RGS7: variants seen among roughly 807,000 people sequenced by gnomAD.
RGS7 encodes regulator of G protein signaling 7.
A neutral mutation model predicts 81.1 loss-of-function variants in RGS7; 27 were observed. The ratio of observed to expected loss-of-function variants is 0.33; its 90% CI spans 0.25 to 0.46. The LOEUF (loss-of-function observed/expected upper bound fraction) is 0.46, where lower values mean the gene tolerates loss of function less well. Among genes scored for constraint, RGS7 ranks in the 20% least tolerant of loss-of-function variants. RGS7 has a pLI of 1.00. For synonymous variants in RGS7, 208 were observed against 207.7 expected, an observed-to-expected ratio of 1.00 and a Z score of -0.01; for missense variants, 396 against 607.4, an observed-to-expected ratio of 0.65 and a Z score of 3.66.
At chr1:241,319,253 C>G (rs534577312) in intron 2 of RGS7, among the ~76,000 whole-genome samples, 1 of 152,224 alleles carries the variant, frequency 6.6e-6, no homozygotes, top group South Asian at 2.1e-4. Context: ...GCCATTAAAT[C>G]ATGATTTATT....
In RGS7 at chr1:240,800,682, TAC is replaced by T; in HGVS notation, c.1451_1452del (p.Cys484TyrfsTer9). 6.5e-7 allele frequency: 1 copy of T among 1,548,204 alleles called. No individual in the cohort carries two copies. Among genetic ancestry groups the T allele is most frequent in the South Asian group, 1.2e-5 (1 of 83,892 alleles). ...NIPIFPCHKNCTPTLRASTNL... is the reference protein window; with the variant it reads ...NIPIFPCHKNXTPTLRASTNL... The stretch of plus-strand genomic sequence containing the variant: ...TTAGTGCTGGCCCTCAGTGTTGGTG[TAC>T]AGTTTTTATGGCATGGGAAAATAGG... On this transcript the variant is annotated frameshift_variant, in exon 18 of 19. Coordinates refer to ENST00000440928, the MANE Select transcript of RGS7 (RefSeq NM_001364886.1). LOFTEE classifies it high-confidence loss of function.
intron 4 of RGS7, among the ~76,000 whole-genome samples, chr1:240,949,391 C>T (rs970746410): frequency 6.6e-6 from 1 of 152,164 alleles, no homozygotes; most frequent in Non-Finnish European, 1.5e-5. Context: ...CACTCATCCA[C>T]CATCCATTCA....
chr1:240,965,717 A>G (rs1167820041), intron 4 of RGS7, among the ~76,000 whole-genome samples: 2 of 152,180 alleles, frequency 1.3e-5, no homozygotes, highest in African/African-American at 4.8e-5. Context: ...GTGTGATGAC[A>G]TGATTCCCAG....
intron 6 of RGS7, among the ~76,000 whole-genome samples, chr1:240,900,017 C>T (rs918687333): frequency 3.9e-5 from 6 of 152,066 alleles, no homozygotes; most frequent in African/African-American, 7.2e-5. Context: ...CTTCTCTTCT[C>T]GCTCCATTTC....
chr1:241,343,179 G>A lies in RGS7; in HGVS notation c.78+12520C>T, dbSNP rs564245151. ...CGGGAGGCTGAGGCAGGAGAATGGC[G>A]TGAACCCGGGAGGTGGAGCTTGCAG... On this transcript the variant is annotated intron_variant, in intron 2 of 18. Coordinates refer to ENST00000440928, the MANE Select transcript of RGS7 (RefSeq NM_001364886.1). 2.6e-5 allele frequency among the ~76,000 whole-genome samples: 4 copies of A among 151,516 alleles called. No homozygotes were observed. In the East Asian group the frequency reaches 5.9e-4, roughly 22 times the overall value.
At chr1:241,168,780 G>A (rs1409766148) in intron 2 of RGS7, among the ~76,000 whole-genome samples, 3 of 151,868 alleles carry the variant, frequency 2.0e-5, no homozygotes, top group Admixed American at 6.6e-5. Flanking sequence ...TAGAGAGAGC[G>A]AGAGAGAGAG....
chr1:241,074,202 C>T (rs2062662236), intron 3 of RGS7, among the ~76,000 whole-genome samples: 1 of 152,154 alleles, frequency 6.6e-6, no homozygotes, highest in South Asian at 2.1e-4. Flanking sequence ...CCTCCTGTCT[C>T]TTAGTTTGTT....
At chr1:241,202,003 CACACACAG>C (rs1184186815) in intron 2 of RGS7, among the ~76,000 whole-genome samples, 5 of 115,080 alleles carry the variant, frequency 4.3e-5, no homozygotes, top group Non-Finnish European at 9.0e-5. Context: ...AACACACAGA[CACACACAG>C]ACACACACAC....
intron 2 of RGS7, among the ~76,000 whole-genome samples, chr1:241,237,832 C>T (rs1293797597): frequency 6.6e-6 from 1 of 152,162 alleles, no homozygotes; most frequent in African/African-American, 2.4e-5. Flanking sequence ...GGAAAGCTGT[C>T]AGTGCAGCTT....
intron 2 of RGS7, among the ~76,000 whole-genome samples, chr1:241,303,817 G>A (rs1399610244): frequency 6.6e-6 from 1 of 152,102 alleles, no homozygotes; most frequent in Non-Finnish European, 1.5e-5. Flanking sequence ...CATTTAACAT[G>A]TTCCTCTGTT....
chr1:241,220,970 G>GAAGAAGC (rs1558202778), intron 2 of RGS7, among the ~76,000 whole-genome samples: 1 of 93,048 alleles, frequency 1.1e-5, no homozygotes, highest in Non-Finnish European at 2.3e-5. Context: ...AGGAAGGAAG[G>GAAGAAGC]AAGGAAGGAA....
chr1:241,144,509 A>G lies in RGS7; in HGVS notation c.79-45747T>C, dbSNP rs2068153512. Among the ~76,000 whole-genome samples the G allele has an allele frequency of 6.6e-6, 1 of 152,134 alleles. No individual in the cohort carries two copies. The highest frequency in any genetic ancestry group is 2.4e-5 in the African/African-American group (1 of 41,428). On this transcript the variant is annotated intron_variant, in intron 2 of 18. Coordinates refer to ENST00000440928, the MANE Select transcript of RGS7 (RefSeq NM_001364886.1). This position sits in a 1 kb window ranked among gnomAD's most constrained non-coding sequence, Gnocchi z 4.7. ...CCTTCCTTGGGAAGCCATAAATGCA[A>G]CGTTTCACTGAGCAGCATGGAGGCA...
At position 240,901,003 on chromosome 1, in the gene RGS7, C is replaced by T. The variant is rs562786069; in HGVS notation, c.385+29714G>A. On this transcript the variant is annotated intron_variant, in intron 6 of 18. Transcript: ENST00000440928. ...CAAGCCTCAGCAGTGGCAGACACCC[C>T]TCCCCCAGCCTCGCTGCTGCCTTGC... 2.0e-4 allele frequency among the ~76,000 whole-genome samples: 30 copies of T among 152,306 alleles called. No individual in the cohort carries two copies. In the South Asian group the frequency reaches 5.4e-3, roughly 27 times the overall value.
intron 2 of RGS7, among the ~76,000 whole-genome samples, chr1:241,133,206 A>G (rs1218908504): frequency 1.3e-5 from 2 of 152,322 alleles, no homozygotes; most frequent in Admixed American, 6.5e-5. Context: ...AAATGTAATC[A>G]TAAGAAATAA....
intron 2 of RGS7, among the ~76,000 whole-genome samples, chr1:241,341,604 AAG>A (rs1317928419): frequency 1.3e-5 from 2 of 152,006 alleles, no homozygotes; most frequent in Admixed American, 1.3e-4. Flanking sequence ...GAGAGAGGGA[AAG>A]AGAGAAAGAG....
intron 18 of RGS7, among the ~76,000 whole-genome samples, chr1:240,789,126 AT>A (rs1685539857): frequency 1.3e-5 from 2 of 152,196 alleles, no homozygotes; most frequent in African/African-American, 4.8e-5. Context: ...TACTTTTATA[AT>A]TTCTTATGCC....
chr1:240,878,634 A>G (rs2148071395), intron 6 of RGS7, among the ~76,000 whole-genome samples: 1 of 151,832 alleles, frequency 6.6e-6, no homozygotes, highest in East Asian at 1.9e-4. Flanking sequence ...ATATGAGGAA[A>G]TATGTTTTTT....
At chr1:241,355,237 G>T (rs1202395890) in intron 2 of RGS7, among the ~76,000 whole-genome samples, 1 of 152,178 alleles carries the variant, frequency 6.6e-6, no homozygotes, top group Non-Finnish European at 1.5e-5. Flanking sequence ...AACGAAATTA[G>T]TAAACCACAT....
rs74565307 is a variant in RGS7 at position 241,342,663 on chromosome 1, T to C, written c.78+13036A>G. On this transcript the variant is annotated intron_variant, in intron 2 of 18. Coordinates refer to ENST00000440928, the MANE Select transcript of RGS7 (RefSeq NM_001364886.1). The stretch of plus-strand genomic sequence containing the variant: ...TTAGACAGAAATCTTAGTGGTTGTA[T>C]AGTCCATAGGCCAAAGCCCTTCCTA... 9.3e-3 allele frequency among the ~76,000 whole-genome samples: 1,422 copies of C among 152,358 alleles called. 32 individuals carry two copies. In the East Asian group the frequency reaches 0.11, roughly 11 times the overall value.
Sources: allele counts gnomAD v4.1 joint callset (sites outside exome capture counted in the v4.1 genomes callset), GRCh38; gene constraint gnomAD v4.1.1; non-coding constraint Gnocchi (gnomAD v3.1); transcripts MANE v1.5; gene names NCBI Gene and HGNC (gene_info 2026-07-23, HGNC 2026-07-21).